BPTF: variants seen among roughly 807,000 people sequenced by gnomAD.
BPTF encodes the protein nucleosome-remodeling factor subunit BPTF.
In BPTF, 18 loss-of-function variants were observed where a neutral mutation model predicts 292.5. The observed-to-expected ratio is 0.06, with a 90% confidence interval of 0.04 to 0.09. BPTF has a LOEUF of 0.09. Ranked by LOEUF, BPTF falls within the 10% of genes least tolerant of loss-of-function variation. The pLI is 1.00. For synonymous variants in BPTF, 1,225 were observed against 1,251.9 expected (o/e 0.98, Z 0.45); for missense variants, 2,726 against 3,498.7 (o/e 0.78, Z 5.57).
At chr17:67,933,386 A>C (rs1461364375) in intron 18 of BPTF, among the ~76,000 whole-genome samples, 1 of 152,016 alleles carries the variant, frequency 6.6e-6, no homozygotes, top group Non-Finnish European at 1.5e-5. Flanking sequence ...TCTGGGCAAC[A>C]TAGGGAGACC....
At chr17:67,904,887 A>C in intron 9 of BPTF, 47 bp downstream of exon 9, 1 of 1,434,466 alleles carries the variant, frequency 7.0e-7, no homozygotes, top group Admixed American at 2.1e-5. Context: ...TCTGCTTTAT[A>C]TTTCTTATAA....
chr17:67,888,883 C>T (rs930974186), intron 4 of BPTF, among the ~76,000 whole-genome samples: 2 of 152,122 alleles, frequency 1.3e-5, no homozygotes, highest in Non-Finnish European at 2.9e-5. Context: ...TAGGATTAAA[C>T]AATCATATAA....
At chr17:67,885,832 C>T (rs2060715132) in intron 4 of BPTF, among the ~76,000 whole-genome samples, 1 of 152,154 alleles carries the variant, frequency 6.6e-6, no homozygotes, top group South Asian at 2.1e-4. Flanking sequence ...TTCTCCAGCT[C>T]TGGGGTATCC....
At position 67,929,352 on chromosome 17, in the gene BPTF, G is replaced by A; in HGVS notation, c.6015G>A (p.Gln2005=). 2 of 1,613,898 alleles carry A rather than the reference G, an allele frequency of 1.2e-6. No homozygotes were observed. The highest frequency in any genetic ancestry group is 1.7e-6 in the Non-Finnish European group (2 of 1,179,960). ...TTTTTTAAGGCGTTGTTCAAGTACA[G>A]CAGAAAGTCCTGGGTATCATTCCAT... ...GQSNSGVVQV[Q]QKVLGIIPSS... The change falls in exon 17 of 28, where the codon CAG becomes CAA. Residue 2005 remains glutamine (Q), a synonymous_variant. Transcript: ENST00000306378.
chr17:67,841,563 C>CT (rs2057560712), intron 1 of BPTF, among the ~76,000 whole-genome samples: 2 of 151,760 alleles, frequency 1.3e-5, no homozygotes, highest in Non-Finnish European at 2.9e-5. Flanking sequence ...TGATATTCGT[C>CT]TATTGTTTAA....
chr17:67,959,296 T>G (rs2067242466), intron 23 of BPTF, among the ~76,000 whole-genome samples: 1 of 152,226 alleles, frequency 6.6e-6, no homozygotes, highest in Non-Finnish European at 1.5e-5. Flanking sequence ...CATCTTTCAG[T>G]CAGCTCTCCT....
intron 9 of BPTF, among the ~76,000 whole-genome samples, chr17:67,905,597 T>C (rs964852031): frequency 1.3e-5 from 2 of 151,456 alleles, no homozygotes; most frequent in Non-Finnish European, 2.9e-5. Context: ...TGGTCCCAGC[T>C]ACTTGGGGGT....
At chr17:67,917,706 C>T (rs1291227665) in intron 11 of BPTF, among the ~76,000 whole-genome samples, 1 of 152,130 alleles carries the variant, frequency 6.6e-6, no homozygotes, top group Non-Finnish European at 1.5e-5. Context: ...GATCTTGGCT[C>T]ACTGCAGCCT....
At chr17:67,860,748 A>G (rs1446002295) in intron 2 of BPTF, among the ~76,000 whole-genome samples, 3 of 152,184 alleles carry the variant, frequency 2.0e-5, no homozygotes, top group Non-Finnish European at 2.9e-5. Flanking sequence ...TTGCAGAGAC[A>G]GAGTCTCACT....
In BPTF at chr17:67,975,894, T is replaced by C; in HGVS notation, c.8662T>C (p.Tyr2888His). 6.2e-7 allele frequency: 1 copy of C among 1,614,044 alleles called. No homozygotes were observed. Among genetic ancestry groups the C allele is most frequent in the Non-Finnish European group, 8.5e-7 (1 of 1,180,004 alleles). Residue 2888 changes from tyrosine (Y) to histidine (H), a missense_variant, in exon 27 of 28, where the codon TAC becomes CAC. Tyr to His is a moderately conservative substitution (Grantham distance 83). Coordinates refer to ENST00000306378, the MANE Select transcript of BPTF (RefSeq NM_182641.4). ...CTACAATCCAAGTGACTCCCCATTT[T>C]ACCAGTGTGCAGAAGTTCTCGAATC... is the stretch of plus-strand genomic sequence containing the variant. Reference protein sequence around the residue: ...RYYNPSDSPFYQCAEVLESFF... With the variant: ...RYYNPSDSPFHQCAEVLESFF...
chr17:67,953,306 G>T (rs2066568615), intron 23 of BPTF, among the ~76,000 whole-genome samples: 2 of 149,160 alleles, frequency 1.3e-5, no homozygotes, highest in Non-Finnish European at 3.0e-5. Flanking sequence ...ACCCAGGCTG[G>T]ACTGCAATGG....
In BPTF at chr17:67,854,916, G is replaced by A. The variant is rs529062196; in HGVS notation, c.1436+154G>A. 6.6e-6 allele frequency among the ~76,000 whole-genome samples: 1 copy of A among 152,306 alleles called. No individual in the cohort carries two copies. The highest frequency in any genetic ancestry group is 2.1e-4 in the South Asian group (1 of 4,824). On this transcript the variant is annotated intron_variant, in intron 2 of 27. Coordinates refer to ENST00000306378, the MANE Select transcript of BPTF (RefSeq NM_182641.4). This position sits in a 1 kb window ranked among gnomAD's most constrained non-coding sequence, Gnocchi z 5.6. ...TAATTTCTTAATTGAAGGAATATGT[G>A]CATTAAAATAGCTTTTAAGAAGGTA...
At chr17:67,904,679 C>G in intron 8 of BPTF, 23 bp from the exon 9 acceptor site, 2 of 1,563,574 alleles carry the variant, frequency 1.3e-6, no homozygotes, top group South Asian at 2.4e-5. Context: ...ATTGTTTAAT[C>G]AAAATGTTTT....
chr17:67,981,349 C>G, intron 27 of BPTF: 1 of 419,526 alleles, frequency 2.4e-6, no homozygotes, highest in Non-Finnish European at 3.6e-6. Context: ...ATTTTATGAT[C>G]TCCAGCATTG....
At chr17:67,875,458 G>A in intron 4 of BPTF, 6 of 946,528 alleles carry the variant, frequency 6.3e-6, no homozygotes, top group Non-Finnish European at 8.8e-6. Flanking sequence ...ATGGAAGCAG[G>A]TTTTTTGTGA....
rs201999330 is a variant in BPTF, at chr17:67,922,840, A to G, written c.5558A>G (p.Glu1853Gly). 6.3e-7 allele frequency: 1 copy of G among 1,585,272 alleles called. No homozygotes were observed. Among genetic ancestry groups the G allele is most frequent in the East Asian group, 2.2e-5 (1 of 44,570 alleles). Residue 1853 changes from glutamate to glycine, a missense_variant and splice_region_variant, in exon 14 of 28, where the codon GAA becomes GGA. This residue lies in a region of BPTF where 198 missense variants were observed against 277.1 expected (regional missense o/e 0.71). Transcript: ENST00000306378. ...AAATATTCTGATTTCCTTTCCAAAG[A>G]AACGCCTACACCTCAGAGGAAAGGC... ...CPIGVPETPK[E>G]TPTPQRKGLR...
At chr17:67,855,976 T>C (rs952472756) in intron 2 of BPTF, among the ~76,000 whole-genome samples, 13 of 152,228 alleles carry the variant, frequency 8.5e-5, no homozygotes, top group Non-Finnish European at 1.8e-4. Context: ...TTGTGTGGGC[T>C]GCTTTCATCC....
At chr17:67,939,942 C>G (rs1218000142) in intron 18 of BPTF, among the ~76,000 whole-genome samples, 1 of 152,208 alleles carries the variant, frequency 6.6e-6, no homozygotes, top group East Asian at 1.9e-4. Context: ...TGGTCCTTGC[C>G]TTCATGGCTC....
chr17:67,956,794 T>A (rs1324356635), intron 23 of BPTF: 1 of 151,170 alleles, frequency 6.6e-6, no homozygotes, highest in African/African-American at 2.4e-5. Flanking sequence ...AAACCCCATC[T>A]CTACTAAAAA....
Sources: allele counts gnomAD v4.1 joint callset (sites outside exome capture counted in the v4.1 genomes callset), GRCh38; gene constraint gnomAD v4.1.1; regional missense constraint gnomAD v4.1.1; non-coding constraint Gnocchi (gnomAD v3.1); transcripts MANE v1.5; gene names NCBI Gene and HGNC (gene_info 2026-07-23, HGNC 2026-07-21).